KIAA0232: variants seen among roughly 807,000 people sequenced by gnomAD.
KIAA0232 encodes KIAA0232.
KIAA0232 carries 27 observed loss-of-function variants against 122.0 expected under a neutral mutation model. The ratio of observed to expected loss-of-function variants is 0.22; its 90% CI spans 0.16 to 0.31. The LOEUF (loss-of-function observed/expected upper bound fraction) is 0.31, where lower values mean the gene tolerates loss of function less well. KIAA0232 is among the 10% of genes least tolerant of loss of function. KIAA0232 has a pLI of 1.00. For synonymous variants in KIAA0232, 613 were observed against 587.6 expected, an observed-to-expected ratio of 1.04 and a Z score of -0.63; for missense variants, 1,551 against 1,634.2, an observed-to-expected ratio of 0.95 and a Z score of 0.88.
intron 3 of KIAA0232, among the ~76,000 whole-genome samples, chr4:6,827,684 G>A (rs1456524590): frequency 1.3e-5 from 2 of 152,218 alleles, no homozygotes; most frequent in African/African-American, 2.4e-5. Flanking sequence ...CAGTTGTGCA[G>A]GATAAGGAAG....
chr4:6,852,780 T>G (rs756874517), intron 4 of KIAA0232, among the ~76,000 whole-genome samples: 71 of 152,346 alleles, frequency 4.7e-4, no homozygotes, highest in Non-Finnish European at 8.7e-4. Context: ...ACATCCAGGA[T>G]TGCTTTCCTC....
intron 4 of KIAA0232, among the ~76,000 whole-genome samples, chr4:6,848,627 T>C (rs1577395758): frequency 6.6e-6 from 1 of 152,222 alleles, no homozygotes; most frequent in East Asian, 1.9e-4. Context: ...CCACAGATTT[T>C]GGTATCCTCA....
intron 6 of KIAA0232, among the ~76,000 whole-genome samples, chr4:6,860,090 G>A (rs980496530): frequency 2.0e-5 from 3 of 152,094 alleles, no homozygotes; most frequent in African/African-American, 7.2e-5. Flanking sequence ...ATTGTTGTAG[G>A]CCTCACCGAC....
intron 3 of KIAA0232, among the ~76,000 whole-genome samples, chr4:6,831,700 C>G (rs1718991796): frequency 6.6e-6 from 1 of 152,224 alleles, no homozygotes; most frequent in Admixed American, 6.5e-5. Flanking sequence ...CCCCTCGTGT[C>G]CCACACAGCT....
Position 6,861,112 on chromosome 4 carries a change from C to G in KIAA0232, c.730C>G (p.His244Asp), listed in dbSNP as rs762560362. The change falls in exon 7 of 10, where the codon CAT becomes GAT. Residue 244 changes from histidine to aspartate, a missense_variant. By Grantham distance (81) the His-to-Asp change is moderately conservative (BLOSUM62 -1). Around this residue, in one of 5 missense-constraint regions of KIAA0232, gnomAD observed 377 missense variants for 381.7 expected, o/e 0.99. Transcript: ENST00000307659. Reference protein sequence around the residue: ...ERSSEVPTTVHEKTQSKSKNE... With the variant: ...ERSSEVPTTVDEKTQSKSKNE... ...AAGCAGTGAAGTACCCACCACTGTG[C>G]ATGAGAAAACCCAGAGCAAAAGCAA... The G allele has an allele frequency of 6.2e-7, 1 of 1,614,130 alleles. No homozygotes were observed. The highest frequency in any genetic ancestry group is 8.5e-7 in the Non-Finnish European group (1 of 1,180,028).
At chr4:6,831,086 C>T (rs554518203) in intron 3 of KIAA0232, among the ~76,000 whole-genome samples, 18 of 151,950 alleles carry the variant, frequency 1.2e-4, no homozygotes, top group East Asian at 9.7e-4. Flanking sequence ...GACGGAGTCT[C>T]GCCCTGTCGC....
chr4:6,853,423 A>AGCACCC (rs1720400031), intron 4 of KIAA0232, among the ~76,000 whole-genome samples: 1 of 152,234 alleles, frequency 6.6e-6, no homozygotes, highest in Non-Finnish European at 1.5e-5. Flanking sequence ...CCATAATACT[A>AGCACCC]GCACCCTTTT....
intron 1 of KIAA0232, among the ~76,000 whole-genome samples, chr4:6,794,258 C>G (rs1717034447): frequency 6.6e-6 from 1 of 152,218 alleles, no homozygotes; most frequent in South Asian, 2.1e-4. Context: ...GCATCCTGCA[C>G]CGGACAGAAA....
In KIAA0232 at chr4:6,843,913, C is replaced by T. The variant is rs148305701; in HGVS notation, c.369+1709C>T. Among the ~76,000 whole-genome samples the T allele has an allele frequency of 3.2e-4, 47 of 144,778 alleles. No individual in the cohort carries two copies. In the East Asian group the frequency reaches 7.8e-3, roughly 24 times the overall value. The allele number at this position is 144,778 out of a possible 152,430, so 95.0% of individuals were successfully genotyped here. A position where few individuals can be genotyped will look rare whatever the true frequency, so the allele number is the denominator to read the frequency against. ...GACTGTGCTCACTGGGCGCAAGGAC[C>T]GTGAGTTACCCATCTTTTTTTTTTT... On this transcript the variant is annotated intron_variant, in intron 4 of 9. Coordinates refer to ENST00000307659, the MANE Select transcript of KIAA0232 (RefSeq NM_014743.3).
intron 6 of KIAA0232, among the ~76,000 whole-genome samples, chr4:6,859,529 A>G (rs1458607175): frequency 1.3e-5 from 2 of 152,262 alleles, no homozygotes; most frequent in African/African-American, 4.8e-5. Context: ...ATTTTAAAGT[A>G]TTGATTACAT....
At chr4:6,873,661 C>G (rs986651491) in intron 8 of KIAA0232, among the ~76,000 whole-genome samples, 1 of 152,084 alleles carries the variant, frequency 6.6e-6, no homozygotes, top group Non-Finnish European at 1.5e-5. Flanking sequence ...CTCTAGGTTC[C>G]TGGTTATCTG....
intron 1 of KIAA0232, among the ~76,000 whole-genome samples, chr4:6,791,487 C>T (rs752593231): frequency 8.6e-5 from 13 of 151,602 alleles, no homozygotes; most frequent in Non-Finnish European, 1.6e-4. Context: ...CACCACCACA[C>T]CCAGCTAATT....
At chr4:6,849,921 A>G (rs370861833) in intron 4 of KIAA0232, among the ~76,000 whole-genome samples, 11 of 152,186 alleles carry the variant, frequency 7.2e-5, no homozygotes, top group Non-Finnish European at 1.5e-4. Flanking sequence ...CTGAATATGC[A>G]TGTCTAGGGT....
chr4:6,835,638 C>A (rs367757691), intron 3 of KIAA0232, among the ~76,000 whole-genome samples: 1 of 152,100 alleles, frequency 6.6e-6, no homozygotes, highest in African/African-American at 2.4e-5. Context: ...TCCCAACAGG[C>A]CCCCGGTGTG....
At chr4:6,828,737 G>A (rs771091388) in intron 3 of KIAA0232, among the ~76,000 whole-genome samples, 9 of 152,102 alleles carry the variant, frequency 5.9e-5, no homozygotes, top group African/African-American at 9.7e-5. Flanking sequence ...CGTTGTTTAC[G>A]TGTATGTTTG....
chr4:6,877,373 C>T (rs1170745730), intron 9 of KIAA0232, among the ~76,000 whole-genome samples: 3 of 152,128 alleles, frequency 2.0e-5, no homozygotes, highest in Admixed American at 6.5e-5. Flanking sequence ...AGACCTTCCC[C>T]GGTTAAGAGG....
chr4:6,784,071 C>T (rs772571475), intron 1 of KIAA0232, among the ~76,000 whole-genome samples: 19 of 151,908 alleles, frequency 1.3e-4, no homozygotes, highest in Non-Finnish European at 8.8e-5. Context: ...CGTTTTTGTC[C>T]TCTATAGGCA....
chr4:6,853,910 T>G (rs1363805895), intron 4 of KIAA0232, among the ~76,000 whole-genome samples: 1 of 152,090 alleles, frequency 6.6e-6, no homozygotes, highest in Non-Finnish European at 1.5e-5. Context: ...TGACCAAGGC[T>G]CAGTCTCCAT....
chr4:6,880,853 C>T lies in KIAA0232; in HGVS notation c.4075C>T (p.Arg1359Cys), dbSNP rs149493190. The change falls in exon 10 of 10, where the codon CGC (arginine) becomes TGC (cysteine). Residue 1359 changes from arginine (R) to cysteine (C), a missense_variant. Physicochemically the swap from Arg to Cys is radical, Grantham distance 180 (BLOSUM62 -3). Transcript: ENST00000307659. ...RDSGAKSDGF[R>C]GKMCSSASST... ...TTCTGGAGCAAAGTCAGATGGCTTC[C>T]GCGGAAAGATGTGCTCCAGCGCCAG... 4,385 of 1,606,564 alleles carry T rather than the reference C, an allele frequency of 2.7e-3. 102 individuals are homozygous for T. The East Asian group carries it at 0.038, about 14-fold the overall frequency.
Sources: allele counts gnomAD v4.1 joint callset (sites outside exome capture counted in the v4.1 genomes callset), GRCh38; gene constraint gnomAD v4.1.1; regional missense constraint gnomAD v4.1.1; transcripts MANE v1.5; gene names NCBI Gene and HGNC (gene_info 2026-07-23, HGNC 2026-07-21).